Variants in MTMR14 observed in about 807,000 individuals in gnomAD.
MTMR14 encodes myotubularin related protein 14.
Under a neutral mutation model 86.3 loss-of-function variants are expected in MTMR14, and 48 were observed. That is an observed-to-expected ratio of 0.56 (90% confidence interval 0.44 to 0.71). The LOEUF (loss-of-function observed/expected upper bound fraction) is 0.71, where lower values mean the gene tolerates loss of function less well. Ranked by LOEUF, MTMR14 falls within the 30% of genes least tolerant of loss-of-function variation. MTMR14 has a pLI of 0.00. For synonymous variants in MTMR14, 366 were observed against 326.1 expected (o/e 1.12, Z -1.32); for missense variants, 780 against 834.6 (o/e 0.93, Z 0.81).
intron 3 of MTMR14, among the ~76,000 whole-genome samples, chr3:9,665,753 C>G (rs1336285652): frequency 7.1e-6 from 1 of 141,296 alleles, no homozygotes; most frequent in Non-Finnish European, 1.5e-5. Flanking sequence ...TTTTTTGAGA[C>G]AGAGTCTCGC....
intron 7 of MTMR14, chr3:9,675,556 T>C: frequency 2.2e-6 from 1 of 457,154 alleles, no homozygotes; most frequent in Non-Finnish European, 4.4e-6. Context: ...CCAAAATAGA[T>C]GGTCCCAAAT....
intron 18 of MTMR14, among the ~76,000 whole-genome samples, chr3:9,698,728 C>T (rs1488822356): frequency 6.6e-6 from 1 of 152,174 alleles, no homozygotes; most frequent in African/African-American, 2.4e-5. Context: ...GCCAGTCAGA[C>T]CTTGAAATTC....
intron 1 of MTMR14, among the ~76,000 whole-genome samples, chr3:9,653,158 C>T (rs560990710): frequency 6.6e-6 from 1 of 152,334 alleles, no homozygotes; most frequent in Admixed American, 6.5e-5. Flanking sequence ...TCGCTTGAAC[C>T]CCGGACGCGG....
rs1278271500 is a variant in MTMR14, at chr3:9,649,623, G to A, written c.40G>A (p.Gly14Arg). Residue 14 changes from glycine (G) to arginine (R), a missense_variant, in exon 1 of 19, where the codon GGG becomes AGG. By Grantham distance (125) the Gly-to-Arg change is moderately radical. Transcript: ENST00000296003. Reference protein sequence around the residue: ...ARAAAAAASAGSSASSGNQPP... With the variant: ...ARAAAAAASARSSASSGNQPP... The stretch of plus-strand genomic sequence containing the variant: ...GGCCGCCGCCGCCGCTGCCTCGGCG[G>A]GGTCCTCGGCCTCTTCAGGCAACCA... 1 of 1,556,034 alleles carries A rather than the reference G, an allele frequency of 6.4e-7. No individual in the cohort carries two copies. The highest frequency in any genetic ancestry group is 8.7e-7 in the Non-Finnish European group (1 of 1,151,044).
At position 9,690,064 on chromosome 3, in the gene MTMR14, T is replaced by A. The variant is rs370406436; in HGVS notation, c.1534T>A (p.Ser512Thr). Residue 512 changes from serine (S) to threonine (T), a missense_variant, in exon 17 of 19, where the codon TCT (serine) becomes ACT (threonine). Coordinates refer to ENST00000296003, the MANE Select transcript of MTMR14 (RefSeq NM_001077525.3). ...CCAGCAGGGGCTGGCGGAAGCCAGGTCTTCCAGCTCCTCTTCCTCAAACCA... is the reference window on the plus strand; with the variant it reads ...CCAGCAGGGGCTGGCGGAAGCCAGGACTTCCAGCTCCTCTTCCTCAAACCA... ...PSQQGLAEAR[S>T]SSSSSSNHSD... 6.2e-7 allele frequency: 1 copy of A among 1,613,140 alleles called. No individual in the cohort carries two copies. Among genetic ancestry groups the A allele is most frequent in the Non-Finnish European group, 8.5e-7 (1 of 1,179,996 alleles).
chr3:9,670,256 C>G (rs1057224276), intron 5 of MTMR14, among the ~76,000 whole-genome samples: 1 of 152,232 alleles, frequency 6.6e-6, no homozygotes, highest in Non-Finnish European at 1.5e-5. Flanking sequence ...CAGGTTCTGC[C>G]TGTTAGCTCT....
intron 5 of MTMR14, among the ~76,000 whole-genome samples, chr3:9,670,754 A>G (rs1323528940): frequency 1.3e-5 from 2 of 152,202 alleles, no homozygotes; most frequent in African/African-American, 4.8e-5. Context: ...CGCTGAGATT[A>G]TTTTGAGTCT....
At chr3:9,649,797 A>C in intron 1 of MTMR14, 55 bp downstream of exon 1, 1 of 1,605,616 alleles carries the variant, frequency 6.2e-7, no homozygotes, top group Non-Finnish European at 8.5e-7. Context: ...GAAGTTACAG[A>C]GGAAAGGCTG....
At chr3:9,690,388 GT>G (rs1346897186) in intron 17 of MTMR14, among the ~76,000 whole-genome samples, 1 of 152,238 alleles carries the variant, frequency 6.6e-6, no homozygotes, top group Non-Finnish European at 1.5e-5. Flanking sequence ...TGGCTGTTAT[GT>G]GATAGGTGGG....
Position 9,692,310 on chromosome 3 carries a change from A to T in MTMR14, c.1613+2167A>T, listed in dbSNP as rs1455395528. On this transcript the variant is annotated intron_variant, in intron 17 of 18. Transcript: ENST00000296003. Reference sequence around the variant, plus strand: ...AATCTGTGAAGCTTTGTTCAAAGTTAAGTAGTAGGTATGAATCAGGTTGGG... The same window carrying T: ...AATCTGTGAAGCTTTGTTCAAAGTTTAGTAGTAGGTATGAATCAGGTTGGG... 8.5e-5 allele frequency among the ~76,000 whole-genome samples: 13 copies of T among 152,336 alleles called. No individual in the cohort carries two copies. The South Asian group carries it at 1.7e-3, about 19-fold the overall frequency.
intron 17 of MTMR14, among the ~76,000 whole-genome samples, chr3:9,690,561 C>G (rs2076107146): frequency 6.6e-6 from 1 of 152,198 alleles, no homozygotes; most frequent in African/African-American, 2.4e-5. Flanking sequence ...GGGAGCTGAG[C>G]TACATGTGTG....
At chr3:9,699,885 G>A (rs927163106) in intron 18 of MTMR14, 7 of 152,206 alleles carry the variant, frequency 4.6e-5, no homozygotes, top group African/African-American at 1.4e-4. Context: ...CATGGCCTTT[G>A]GCCTGTGTGA....
intron 7 of MTMR14, among the ~76,000 whole-genome samples, chr3:9,672,960 G>T (rs190280191): frequency 7.2e-4 from 110 of 152,320 alleles, no homozygotes; most frequent in Non-Finnish European, 1.3e-3. Flanking sequence ...TTCCACTCAA[G>T]GGGTTTAGGG....
intron 5 of MTMR14, 41 bp from the exon 6 acceptor site, chr3:9,671,007 G>A: frequency 6.2e-7 from 1 of 1,613,548 alleles, no homozygotes. Context: ...TCCTGTGAGT[G>A]AACATGCCAT....
chr3:9,675,216 CAATAAA>C (rs1297702965), intron 7 of MTMR14, among the ~76,000 whole-genome samples: 3 of 152,038 alleles, frequency 2.0e-5, no homozygotes, highest in Non-Finnish European at 4.4e-5. Context: ...TAATGAGGAT[CAATAAA>C]AATAAAAAAG....
At position 9,688,544 on chromosome 3, in the gene MTMR14, C is replaced by T. The variant is rs972290969; in HGVS notation, c.1236-152C>T. 6.0e-6 allele frequency: 5 copies of T among 837,094 alleles called. No homozygotes were observed. In the Admixed American group the frequency reaches 8.0e-5, roughly 13 times the overall value. The allele number at this position is 837,094 out of a possible 1,614,324, so 51.9% of individuals were successfully genotyped here. On this transcript the variant is annotated intron_variant, in intron 14 of 18. Coordinates refer to ENST00000296003, the MANE Select transcript of MTMR14 (RefSeq NM_001077525.3). ...TTGCAGCGTGGGTCCCAGAAGTGGC[C>T]CTGGTGTCTTATAACACTCCCTAGG...
chr3:9,687,667 CCACCCACACCATTTATGGACCAGAA>C (rs2076005216), intron 13 of MTMR14, among the ~76,000 whole-genome samples, 129 bp from the exon 14 acceptor site: 1 of 152,154 alleles, frequency 6.6e-6, no homozygotes, highest in South Asian at 2.1e-4. Flanking sequence ...GGCCTCTGTA[CCACCCACACCATTTATGGACCAGAA>C]CACCCACACA....
chr3:9,685,637 C>T (rs775191291), intron 13 of MTMR14, among the ~76,000 whole-genome samples: 16 of 152,276 alleles, frequency 1.1e-4, no homozygotes, highest in East Asian at 3.9e-4. Context: ...CCCACCCTCC[C>T]GTCACACCCT....
chr3:9,662,022 A>T (rs920463135), intron 2 of MTMR14, among the ~76,000 whole-genome samples: 1 of 151,954 alleles, frequency 6.6e-6, no homozygotes, highest in Admixed American at 6.6e-5. Flanking sequence ...CGGGAGGCAG[A>T]GGCTGTGGTG....
Sources: gnomAD v4.1 joint callset for allele counts (sites outside exome capture counted in the v4.1 genomes callset) on GRCh38, gnomAD v4.1.1 for gene constraint, MANE v1.5 for transcripts, NCBI Gene and HGNC (gene_info 2026-07-23, HGNC 2026-07-21) for gene names.